Variants in TMEM132B observed in about 807,000 individuals in gnomAD.
TMEM132B encodes the protein transmembrane protein 132B.
Under a neutral mutation model 90.8 loss-of-function variants are expected in TMEM132B, and 18 were observed. The ratio of observed to expected loss-of-function variants is 0.20; its 90% confidence interval spans 0.14 to 0.29. The LOEUF is 0.29. TMEM132B is among the 10% of genes least tolerant of loss of function. The probability of loss-of-function intolerance (pLI) is 1.00; values close to 1 mark genes in which losing one functional copy is unlikely to be tolerated. For synonymous variants in TMEM132B, 504 were observed against 523.3 expected, an observed-to-expected ratio of 0.96 and a Z score of 0.50; for missense variants, 1,096 against 1,326.8, an observed-to-expected ratio of 0.83 and a Z score of 2.70.
chr12:125,529,617 T>C (rs140771775), intron 4 of TMEM132B, among the ~76,000 whole-genome samples: 3,813 of 152,142 alleles, frequency 0.025, 101 homozygotes, highest in South Asian at 0.042. Context: ...CAGTGCTGAG[T>C]AGGGGTGCTT....
chr12:125,482,734 C>G (rs1273794761), intron 3 of TMEM132B, among the ~76,000 whole-genome samples: 1 of 152,148 alleles, frequency 6.6e-6, no homozygotes, highest in Admixed American at 6.5e-5. Context: ...TCCCAGTGAT[C>G]TCATTACTAG....
chr12:125,394,099 G>T (rs1261472544), intron 2 of TMEM132B, among the ~76,000 whole-genome samples: 1 of 152,180 alleles, frequency 6.6e-6, no homozygotes, highest in African/African-American at 2.4e-5. Context: ...GGAAAGCCTG[G>T]AGCCACAAGC....
Sources: gnomAD v4.1 joint callset for allele counts (sites outside exome capture counted in the v4.1 genomes callset) on GRCh38, gnomAD v4.1.1 for gene constraint, MANE v1.5 for transcripts, NCBI Gene and HGNC (gene_info 2026-07-23, HGNC 2026-07-21) for gene names.